The following PPP1CC variants were observed in gnomAD, a reference collection of about 807,000 sequenced individuals.
The protein encoded by PPP1CC is protein phosphatase 1 catalytic subunit gamma, also known as serine/threonine-protein phosphatase PP1-gamma catalytic subunit.
Under a neutral mutation model 38.4 loss-of-function variants are expected in PPP1CC, and 16 were observed. The observed-to-expected ratio is 0.42, with a 90% confidence interval of 0.28 to 0.63. The LOEUF is 0.63. Among genes scored for constraint, PPP1CC ranks in the 30% least tolerant of loss-of-function variants. The pLI is 0.25. For missense variants in PPP1CC, 170 were observed against 391.3 expected, an observed-to-expected ratio of 0.43 and a Z score of 4.77; for synonymous variants, 158 against 136.0, an observed-to-expected ratio of 1.16 and a Z score of -1.13.
the PPP1CC span, among the ~76,000 whole-genome samples, chr12:110,708,798 C>T: frequency 6.8e-6 from 1 of 147,076 alleles, no homozygotes; most frequent in Admixed American, 7.0e-5. Flanking sequence ...AGTCAGTGAG[C>T]TGAGATCGCA....
At chr12:110,728,685 T>G (rs886542167) in intron 3 of PPP1CC, among the ~76,000 whole-genome samples, 5 of 152,198 alleles carry the variant, frequency 3.3e-5, no homozygotes. Context: ...CTGGTACTTC[T>G]CTGACACAGA....
downstream of PPP1CC, among the ~76,000 whole-genome samples, chr12:110,717,960 G>C (rs534528900): frequency 6.6e-6 from 1 of 152,278 alleles, no homozygotes; most frequent in South Asian, 2.1e-4. Flanking sequence ...TAACTTGGTA[G>C]CTTGTATCTT....
chr12:110,739,174 G>A (rs958427831), intron 1 of PPP1CC, among the ~76,000 whole-genome samples: 1 of 152,068 alleles, frequency 6.6e-6, no homozygotes, highest in African/African-American at 2.4e-5. Flanking sequence ...GAGCGTGGTG[G>A]TGCATGCCTG....
chr12:110,715,646 G>C (rs910017189), downstream of PPP1CC, among the ~76,000 whole-genome samples: 8 of 151,372 alleles, frequency 5.3e-5, no homozygotes, highest in African/African-American at 1.9e-4. Flanking sequence ...TTGAGACGGA[G>C]TTTTGCTCGT....
intron 1 of PPP1CC, among the ~76,000 whole-genome samples, chr12:110,733,294 C>A (rs1289371800): frequency 6.6e-6 from 1 of 152,146 alleles, no homozygotes; most frequent in Non-Finnish European, 1.5e-5. Context: ...ATCCTAGAAG[C>A]TTCTGGTTTC....
intron 1 of PPP1CC, among the ~76,000 whole-genome samples, chr12:110,738,744 G>T (rs1051803811): frequency 6.6e-6 from 1 of 152,214 alleles, no homozygotes; most frequent in African/African-American, 2.4e-5. Context: ...AATTCTGTCA[G>T]ATTTCACTGC....
At position 110,720,762 on chromosome 12, in the gene PPP1CC, A is replaced by T. The variant is rs1354467880; in HGVS notation, c.*314T>A. The stretch of plus-strand genomic sequence containing the variant: ...ACATGATTATGGGTTGTACTGAATT[A>T]AAAAAGATCAATTGTACACTTACTC... On this transcript the variant is annotated 3_prime_UTR_variant, in exon 7 of 7. Transcript: ENST00000335007. 10 of 237,050 alleles carry T rather than the reference A, an allele frequency of 4.2e-5. No homozygotes were observed. Among genetic ancestry groups the T allele is most frequent in the East Asian group, 3.0e-4 (3 of 9,994 alleles). 14.7% of individuals were successfully genotyped at this position (237,050 alleles called of 1,614,324 possible).
intron 4 of PPP1CC, among the ~76,000 whole-genome samples, chr12:110,723,372 A>G (rs569949901): frequency 3.2e-4 from 49 of 152,360 alleles, no homozygotes; most frequent in African/African-American, 1.2e-3. Context: ...AAGCACAGAG[A>G]TAAAAGACAT....
chr12:110,740,306 C>T (rs1417781275), intron 1 of PPP1CC, among the ~76,000 whole-genome samples: 1 of 152,040 alleles, frequency 6.6e-6, no homozygotes, highest in African/African-American at 2.4e-5. Context: ...AAAATTTAGG[C>T]CGGGCACGGT....
At chr12:110,709,552 T>C in the PPP1CC span, among the ~76,000 whole-genome samples, 4 of 148,136 alleles carry the variant, frequency 2.7e-5, no homozygotes, top group Admixed American at 2.7e-4. Flanking sequence ...CAGAAGGCCA[T>C]GGGGTCAAAT....
At chr12:110,736,241 G>C (rs1311531204) in intron 1 of PPP1CC, among the ~76,000 whole-genome samples, 1 of 152,182 alleles carries the variant, frequency 6.6e-6, no homozygotes, top group Non-Finnish European at 1.5e-5. Flanking sequence ...AGCGAAGGTT[G>C]CTCTGTAGAA....
rs142767765 is a variant in PPP1CC, at chr12:110,720,713, A to C, written c.*363T>G. The C allele has an allele frequency of 6.7e-3, 1,374 of 204,214 alleles. 2 individuals are homozygous for C. The highest frequency in any genetic ancestry group is 8.7e-3 in the Non-Finnish European group (874 of 100,198). The allele number at this position is 204,214 out of a possible 1,614,324, so 12.7% of individuals were successfully genotyped here. Reference sequence around the variant, plus strand: ...TTCAGAGCACCCTAGGGCTCTCTTTATGTCCTAAAGAAAATGAGCATTTAC... The same window carrying C: ...TTCAGAGCACCCTAGGGCTCTCTTTCTGTCCTAAAGAAAATGAGCATTTAC... On this transcript the variant is annotated 3_prime_UTR_variant, in exon 7 of 7. Coordinates refer to ENST00000335007, the MANE Select transcript of PPP1CC (RefSeq NM_002710.4).
chr12:110,722,763 G>A lies in PPP1CC; in HGVS notation c.524-68C>T. On this transcript the variant is annotated intron_variant, in intron 4 of 6. Transcript: ENST00000335007. This position sits in a 1 kb window ranked among gnomAD's most constrained non-coding sequence, Gnocchi z 5.4. ...TTAAAAGGATACTACCCCTTCAAAA[G>A]TTCCATTTGTCTACAGAGAAATTCA... is the stretch of plus-strand genomic sequence containing the variant. 8.6e-7 allele frequency: 1 copy of A among 1,164,684 alleles called. No homozygotes were observed. The allele number at this position is 1,164,684 out of a possible 1,614,324, so 72.1% of individuals were successfully genotyped here.
At chr12:110,711,727 C>A in the PPP1CC span, among the ~76,000 whole-genome samples, 1 of 151,782 alleles carries the variant, frequency 6.6e-6, no homozygotes, top group South Asian at 2.1e-4. Context: ...GAGTTCGAGA[C>A]CAGCCTGACC....
chr12:110,720,974 C>G lies in PPP1CC; in HGVS notation c.*102G>C. On this transcript the variant is annotated 3_prime_UTR_variant, in exon 7 of 7. Transcript: ENST00000335007. ...ATGGAAGGAAGGGCCCCCACAAACA[C>G]AGATCTATCTGAGCAAGCTGACCAG... 1 of 982,478 alleles carries G rather than the reference C, an allele frequency of 1.0e-6. No homozygotes were observed. Among genetic ancestry groups the G allele is most frequent in the South Asian group, 1.8e-5 (1 of 55,390 alleles). 60.9% of individuals were successfully genotyped at this position (982,478 alleles called of 1,614,324 possible). A position where few individuals can be genotyped will look rare whatever the true frequency, so the allele number is the denominator to read the frequency against.
At chr12:110,718,587 A>G (rs1449528945), downstream of PPP1CC, among the ~76,000 whole-genome samples, 2 of 152,202 alleles carry the variant, frequency 1.3e-5, no homozygotes, top group East Asian at 3.8e-4. Flanking sequence ...CGAGATGTGC[A>G]AAGACACGAA....
chr12:110,728,397 C>CAAAAA (rs1234259790), intron 3 of PPP1CC, among the ~76,000 whole-genome samples: 1,906 of 77,250 alleles, frequency 0.025, 10 homozygotes, highest in Non-Finnish European at 0.032. Flanking sequence ...GACTCCGTCT[C>CAAAAA]AAAAAAAAAA....
chr12:110,710,350 C>T, the PPP1CC span, among the ~76,000 whole-genome samples: 1 of 150,666 alleles, frequency 6.6e-6, no homozygotes, highest in East Asian at 1.9e-4. Flanking sequence ...TGAGCCCAGC[C>T]TGGCCAACAT....
At position 110,719,822 on chromosome 12, in the gene PPP1CC, G is replaced by C. The variant is rs1206078226; in HGVS notation, c.*1254C>G. The stretch of plus-strand genomic sequence containing the variant: ...AAAATGCAACCGTGTGGTTTCCAGA[G>C]CAATTTATTCAGGAAAATCTATTCA... On this transcript the variant is annotated 3_prime_UTR_variant, in exon 7 of 7. Transcript: ENST00000335007. 6.7e-6 allele frequency: 2 copies of C among 298,198 alleles called. No homozygotes were observed. 18.5% of individuals were successfully genotyped at this position (298,198 alleles called of 1,614,324 possible).
Sources: gnomAD v4.1 joint callset for allele counts (sites outside exome capture counted in the v4.1 genomes callset) on GRCh38, gnomAD v4.1.1 for gene constraint, Gnocchi (gnomAD v3.1) non-coding constraint, MANE v1.5 for transcripts, NCBI Gene and HGNC (gene_info 2026-07-23, HGNC 2026-07-21) for gene names.